TLE2: variants seen among roughly 807,000 people sequenced by gnomAD.
TLE2 encodes transducin-like enhancer protein 2.
In TLE2, 74 loss-of-function variants were observed where a neutral mutation model predicts 97.2. That is an observed-to-expected ratio of 0.76 (90% CI 0.63 to 0.92). The LOEUF is 0.92. TLE2 is among the 40% of genes least tolerant of loss of function. The pLI, the probability that TLE2 is intolerant of heterozygous loss-of-function variation, is 0.00. For synonymous variants in TLE2, 499 were observed against 432.1 expected (o/e 1.15, Z -1.92); for missense variants, 1,038 against 1,008.7 (o/e 1.03, Z -0.39).
intron 1 of TLE2, among the ~76,000 whole-genome samples, chr19:3,039,220 C>T (rs1265217466): frequency 8.0e-6 from 1 of 125,714 alleles, no homozygotes; most frequent in Admixed American, 7.7e-5. Flanking sequence ...ATCCTTTCCC[C>T]ACTCCAAAAA....
chr19:3,017,725 C>CA, intron 8 of TLE2, 115 bp downstream of exon 8: 1 of 977,128 alleles, frequency 1.0e-6, no homozygotes, highest in Non-Finnish European at 1.5e-6. Context: ...GTGCTGGGAT[C>CA]AAAGGCGTGA....
At chr19:3,040,024 A>T (rs1225786804) in intron 1 of TLE2, among the ~76,000 whole-genome samples, 1 of 152,216 alleles carries the variant, frequency 6.6e-6, no homozygotes, top group African/African-American at 2.4e-5. Flanking sequence ...TGTGCGGCCC[A>T]GCGGGGACAA....
At chr19:3,004,215 A>G (rs2089426265) in intron 17 of TLE2, among the ~76,000 whole-genome samples, 1 of 152,156 alleles carries the variant, frequency 6.6e-6, no homozygotes, top group Non-Finnish European at 1.5e-5. Context: ...GCATTGGGGG[A>G]CACCCAGTGA....
At chr19:3,009,904 G>T (rs67282830) in intron 12 of TLE2, among the ~76,000 whole-genome samples, 30,513 of 148,350 alleles carry the variant, frequency 0.21, 3,318 homozygotes, top group Admixed American at 0.24. Context: ...TCTTTTGTTT[G>T]AGATGGAATC....
chr19:3,027,395 A>G (rs1031347836), intron 4 of TLE2, among the ~76,000 whole-genome samples: 2 of 152,234 alleles, frequency 1.3e-5, no homozygotes, highest in African/African-American at 4.8e-5. Flanking sequence ...CAGAAGCTTC[A>G]AAGCAGCAAC....
upstream of TLE2, among the ~76,000 whole-genome samples, chr19:3,033,927 C>T (rs549930752): frequency 6.7e-6 from 1 of 149,454 alleles, no homozygotes; most frequent in South Asian, 2.1e-4. Context: ...TTGACTCACA[C>T]CTCTGGCTTC....
intron 5 of TLE2, among the ~76,000 whole-genome samples, chr19:3,022,727 G>A (rs1320705654): frequency 6.6e-6 from 1 of 152,092 alleles, no homozygotes; most frequent in Non-Finnish European, 1.5e-5. Flanking sequence ...TCTCCACCAA[G>A]GAGGTATCAG....
upstream of TLE2, among the ~76,000 whole-genome samples, chr19:3,030,465 A>G (rs1197768696): frequency 6.6e-6 from 1 of 152,238 alleles, no homozygotes; most frequent in Admixed American, 6.5e-5. Context: ...ACTGTGGACC[A>G]CACACTGCTG....
chr19:3,047,512 C>CCA (rs2090153709), upstream of TLE2: 1 of 151,022 alleles, frequency 6.6e-6, no homozygotes, highest in African/African-American at 2.4e-5. Context: ...CTTGTGACCC[C>CCA]CCCCCAGGCA....
chr19:3,036,559 C>T (rs1329246215), intron 1 of TLE2, among the ~76,000 whole-genome samples: 1 of 152,244 alleles, frequency 6.6e-6, no homozygotes, highest in Non-Finnish European at 1.5e-5. Context: ...TCCCGCTGGC[C>T]CCGGGCTCGC....
Position 3,029,051 on chromosome 19 carries a change from A to G in TLE2, c.-147T>C. ...AGCGGCGCGGGGCAAGGGACCCTGG[A>G]GTCCCTGGCGCGCCCCCAAGCGCGC... is the stretch of plus-strand genomic sequence containing the variant. On this transcript the variant is annotated 5_prime_UTR_variant, in exon 1 of 20. Transcript: ENST00000262953. 7.1e-7 allele frequency: 1 copy of G among 1,405,846 alleles called. No homozygotes were observed. The highest frequency in any genetic ancestry group is 9.3e-7 in the Non-Finnish European group (1 of 1,078,066). The allele number at this position is 1,405,846 out of a possible 1,614,324, so 87.1% of individuals were successfully genotyped here. A position where few individuals can be genotyped will look rare whatever the true frequency, so the allele number is the denominator to read the frequency against.
chr19:3,023,721 G>A (rs1975187), intron 5 of TLE2, among the ~76,000 whole-genome samples: 55 of 151,894 alleles, frequency 3.6e-4, no homozygotes, highest in African/African-American at 1.3e-3. Flanking sequence ...AGGGAGACCC[G>A]TCTCTACTAA....
At chr19:3,045,184 A>G (rs2145239764) in intron 1 of TLE2, among the ~76,000 whole-genome samples, 1 of 152,396 alleles carries the variant, frequency 6.6e-6, no homozygotes, top group Middle Eastern at 3.4e-3. Context: ...ACTGAACTTC[A>G]GCCTGGTTGC....
intron 4 of TLE2, chr19:3,025,554 C>T (rs1028395479): frequency 6.3e-5 from 62 of 987,866 alleles, no homozygotes; most frequent in Non-Finnish European, 7.2e-5. Context: ...GACTGATCTA[C>T]CAGCTGGGGA....
At chr19:3,009,887 C>CTCTTTTT (rs764492373) in intron 12 of TLE2, among the ~76,000 whole-genome samples, 185 bp from the exon 13 acceptor site, 8,088 of 148,378 alleles carry the variant, frequency 0.055, 326 homozygotes, top group South Asian at 0.088. Flanking sequence ...TTCTCTCTCT[C>CTCTTTTT]TTTTTTTCTT....
At chr19:2,998,216 G>A (rs1012520698) in intron 19 of TLE2, among the ~76,000 whole-genome samples, 4 of 149,476 alleles carry the variant, frequency 2.7e-5, no homozygotes, top group South Asian at 2.1e-4. Context: ...GATTATAGGC[G>A]CCCGCAACCA....
chr19:3,026,920 T>G (rs1388250389), intron 4 of TLE2, among the ~76,000 whole-genome samples: 1 of 152,200 alleles, frequency 6.6e-6, no homozygotes, highest in Non-Finnish European at 1.5e-5. Context: ...CTGAGGTCTA[T>G]CTCAGGACCT....
chr19:3,040,058 G>T (rs1428135272), intron 1 of TLE2, among the ~76,000 whole-genome samples: 1 of 152,188 alleles, frequency 6.6e-6, no homozygotes, highest in African/African-American at 2.4e-5. Context: ...AGCAGAGCTG[G>T]GGCTGGCACC....
At chr19:3,005,391 G>A (rs373355431) in intron 17 of TLE2, 46 bp downstream of exon 17, 18 of 1,602,198 alleles carry the variant, frequency 1.1e-5, no homozygotes, top group Middle Eastern at 1.7e-4. Flanking sequence ...AAGGGATGCT[G>A]TATTCCTAGA....
Sources: allele counts gnomAD v4.1 joint callset (sites outside exome capture counted in the v4.1 genomes callset), GRCh38; gene constraint gnomAD v4.1.1; transcripts MANE v1.5; gene names NCBI Gene and HGNC (gene_info 2026-07-23, HGNC 2026-07-21).